Variants in RCHY1 observed in about 807,000 individuals in gnomAD.
The protein encoded by RCHY1 is ring finger and CHY zinc finger domain containing 1, also known as RING finger and CHY zinc finger domain-containing protein 1.
A neutral mutation model predicts 41.6 loss-of-function variants in RCHY1; 21 were observed. That is an observed-to-expected ratio of 0.51 (90% CI 0.36 to 0.73). The LOEUF (loss-of-function observed/expected upper bound fraction) is 0.73, where lower values mean the gene tolerates loss of function less well. RCHY1 is among the 30% of genes least tolerant of loss of function. RCHY1 has a pLI of 0.00. For missense variants in RCHY1, 265 were observed against 325.3 expected (o/e 0.81, Z 1.43); for synonymous variants, 79 against 102.9 (o/e 0.77, Z 1.41).
chr4:75,485,142 G>A (rs1721879028), intron 8 of RCHY1, among the ~76,000 whole-genome samples: 1 of 152,182 alleles, frequency 6.6e-6, no homozygotes, highest in African/African-American at 2.4e-5. Flanking sequence ...AAGCTGACTT[G>A]CCTCTTTTTC....
At chr4:75,487,692 C>CATA (rs1722285876) in intron 8 of RCHY1, among the ~76,000 whole-genome samples, 1 of 59,152 alleles carries the variant, frequency 1.7e-5, no homozygotes, top group African/African-American at 9.8e-5. Context: ...TATATATATT[C>CATA]ATATATATAT....
chr4:75,506,839 G>A (rs1724365067), intron 3 of RCHY1, among the ~76,000 whole-genome samples: 1 of 151,890 alleles, frequency 6.6e-6, no homozygotes, highest in Admixed American at 6.6e-5. Context: ...ATCAAACCTG[G>A]ACACACGGAA....
At chr4:75,514,444 T>G, upstream of RCHY1, 1 of 799,660 alleles carries the variant, frequency 1.3e-6, no homozygotes, top group Non-Finnish European at 1.9e-6. Context: ...GATTTCCGGT[T>G]CCCGGGGCTA....
At chr4:75,485,046 C>T (rs918790084) in intron 8 of RCHY1, among the ~76,000 whole-genome samples, 2 of 152,144 alleles carry the variant, frequency 1.3e-5, no homozygotes, top group Admixed American at 6.5e-5. Flanking sequence ...AATCTACTAG[C>T]CTTTTGGCTT....
At position 75,480,437 on chromosome 4, in the gene RCHY1, A is replaced by G. The variant is rs1721430593; in HGVS notation, c.*2101T>C. 2.0e-5 allele frequency: 3 copies of G among 152,220 alleles called. No individual in the cohort carries two copies. The highest frequency in any genetic ancestry group is 1.3e-4 in the Admixed American group (2 of 15,280). 9.4% of individuals were successfully genotyped at this position (152,220 alleles called of 1,614,324 possible). A position where few individuals can be genotyped will look rare whatever the true frequency, so the allele number is the denominator to read the frequency against. On this transcript the variant is annotated 3_prime_UTR_variant, in exon 9 of 9. Coordinates refer to ENST00000324439, the MANE Select transcript of RCHY1 (RefSeq NM_015436.4). ...ATGTGGTAAAAGTGGGTTTGGAGTC[A>G]AACTTGGATCTGATTCCCAACTCCA...
At chr4:75,507,262 C>A (rs1724412423) in intron 3 of RCHY1, among the ~76,000 whole-genome samples, 1 of 151,900 alleles carries the variant, frequency 6.6e-6, no homozygotes, top group African/African-American at 2.4e-5. Flanking sequence ...GTTTAAGGTC[C>A]TAATATTGTC....
chr4:75,485,508 T>A (rs1721921948), intron 8 of RCHY1, among the ~76,000 whole-genome samples: 1 of 152,206 alleles, frequency 6.6e-6, no homozygotes, highest in South Asian at 2.1e-4. Context: ...TACCTTTGTT[T>A]AAGGTGACTG....
chr4:75,503,472 G>A (rs967084516), intron 3 of RCHY1, among the ~76,000 whole-genome samples: 7 of 152,060 alleles, frequency 4.6e-5, no homozygotes, highest in African/African-American at 9.7e-5. Flanking sequence ...CAAGGTGGGC[G>A]GATCACGAGG....
chr4:75,483,587 T>C (rs150159893), intron 8 of RCHY1, among the ~76,000 whole-genome samples: 67 of 152,254 alleles, frequency 4.4e-4, no homozygotes, highest in Non-Finnish European at 9.0e-4. Flanking sequence ...CTATATAATA[T>C]GTGAATTGTA....
Position 75,479,479 on chromosome 4 carries a change from G to A in RCHY1, c.*3059C>T, listed in dbSNP as rs1721361793. 1 of 151,944 alleles carries A rather than the reference G, an allele frequency of 6.6e-6. No homozygotes were observed. Among genetic ancestry groups the A allele is most frequent in the Non-Finnish European group, 1.5e-5 (1 of 67,920 alleles). 9.4% of individuals were successfully genotyped at this position (151,944 alleles called of 1,614,324 possible). A position where few individuals can be genotyped will look rare whatever the true frequency, so the allele number is the denominator to read the frequency against. On this transcript the variant is annotated 3_prime_UTR_variant, in exon 9 of 9. Coordinates refer to ENST00000324439, the MANE Select transcript of RCHY1 (RefSeq NM_015436.4). ...TTAACATGTATATCATATGAAAATAGGTTTTAGTGAAGAAATAAAAACTGA... is the reference window on the plus strand; with the variant it reads ...TTAACATGTATATCATATGAAAATAAGTTTTAGTGAAGAAATAAAAACTGA...
chr4:75,500,090 A>G (rs13112378), intron 3 of RCHY1, among the ~76,000 whole-genome samples: 99,436 of 152,012 alleles, frequency 0.65, 33,096 homozygotes, highest in African/African-American at 0.78. Flanking sequence ...GCAGTGAGTC[A>G]TGATTGTGCG....
rs1723647881 is a variant in RCHY1, at chr4:75,500,491, A to G, written c.327-6312T>C. Reference sequence around the variant, plus strand: ...TCTTTAGGGCACATCTGTCTTTGAGAAATATAGCCACAGTCCAAAGATTAT... The same window carrying G: ...TCTTTAGGGCACATCTGTCTTTGAGGAATATAGCCACAGTCCAAAGATTAT... On this transcript the variant is annotated intron_variant, in intron 3 of 8. Coordinates refer to ENST00000324439, the MANE Select transcript of RCHY1 (RefSeq NM_015436.4). Among the ~76,000 whole-genome samples, 3 of 152,346 alleles carry G rather than the reference A, an allele frequency of 2.0e-5. No homozygotes were observed. In the South Asian group the frequency reaches 6.2e-4, roughly 32 times the overall value.
At chr4:75,497,810 C>G (rs1723359777) in intron 3 of RCHY1, among the ~76,000 whole-genome samples, 1 of 151,362 alleles carries the variant, frequency 6.6e-6, no homozygotes, top group Admixed American at 6.6e-5. Flanking sequence ...AAACCCTAAG[C>G]ACAAGCAACA....
At chr4:75,503,351 T>C (rs912064683) in intron 3 of RCHY1, among the ~76,000 whole-genome samples, 2 of 152,176 alleles carry the variant, frequency 1.3e-5, no homozygotes, top group African/African-American at 4.8e-5. Flanking sequence ...ATGTACCATA[T>C]GAATGGTCTC....
chr4:75,508,817 T>C lies in RCHY1; in HGVS notation c.326+3A>G. ...TTAGATAAGAACACTTTACATACAGTACCTACAAATTCCACAGTTTTCACA... is the reference window on the plus strand; with the variant it reads ...TTAGATAAGAACACTTTACATACAGCACCTACAAATTCCACAGTTTTCACA... On this transcript the variant is annotated splice_donor_region_variant and intron_variant, in intron 3 of 8. Coordinates refer to ENST00000324439, the MANE Select transcript of RCHY1 (RefSeq NM_015436.4). The C allele has an allele frequency of 6.5e-7, 1 of 1,540,460 alleles. No homozygotes were observed. Among genetic ancestry groups the C allele is most frequent in the Non-Finnish European group, 8.9e-7 (1 of 1,121,836 alleles).
At chr4:75,494,703 C>T (rs1417154010) in intron 3 of RCHY1, among the ~76,000 whole-genome samples, 3 of 151,718 alleles carry the variant, frequency 2.0e-5, no homozygotes, top group Non-Finnish European at 2.9e-5. Flanking sequence ...TTATTTTTTA[C>T]GAGATTCCTA....
chr4:75,514,428 C>T, upstream of RCHY1: 1 of 949,520 alleles, frequency 1.1e-6, no homozygotes, highest in South Asian at 2.0e-5. Context: ...TGACCCGGGG[C>T]AGACGGATTT....
intron 8 of RCHY1, among the ~76,000 whole-genome samples, chr4:75,487,667 C>CATATATATTCATAAT (rs1560513053): frequency 2.6e-4 from 10 of 38,400 alleles, no homozygotes; most frequent in East Asian, 6.9e-4. Context: ...TATATATATT[C>CATATATATTCATAAT]ATATATATTC....
chr4:75,496,365 ATGAGC>A (rs1370535513), intron 3 of RCHY1, among the ~76,000 whole-genome samples: 1 of 152,096 alleles, frequency 6.6e-6, no homozygotes, highest in Non-Finnish European at 1.5e-5. Flanking sequence ...GATTGAAATG[ATGAGC>A]TGAGACAGTC....
Sources: allele counts gnomAD v4.1 joint callset (sites outside exome capture counted in the v4.1 genomes callset), GRCh38; gene constraint gnomAD v4.1.1; transcripts MANE v1.5; gene names NCBI Gene and HGNC (gene_info 2026-07-23, HGNC 2026-07-21).